The following CD302 variants were observed in gnomAD, a reference collection of about 807,000 sequenced individuals.
CD302 encodes CD302 molecule.
A neutral mutation model predicts 26.5 loss-of-function variants in CD302; 23 were observed. The ratio of observed to expected loss-of-function variants is 0.87; its 90% CI spans 0.62 to 1.23. CD302 has a LOEUF of 1.23. CD302 is among the 50% of genes most tolerant of loss of function. CD302 has a pLI of 0.00. For missense variants in CD302, 290 were observed against 275.5 expected, an observed-to-expected ratio of 1.05 and a Z score of -0.37; for synonymous variants, 90 against 99.4, an observed-to-expected ratio of 0.91 and a Z score of 0.56.
chr2:159,777,660 GTAT>G (rs575529959), intron 5 of CD302, among the ~76,000 whole-genome samples: 38 of 152,208 alleles, frequency 2.5e-4, no homozygotes, highest in Non-Finnish European at 5.1e-4. Context: ...TATTTATAAA[GTAT>G]TATGACACTT....
intron 1 of CD302, among the ~76,000 whole-genome samples, chr2:159,797,675 G>A (rs959243198): frequency 1.3e-5 from 2 of 152,088 alleles, no homozygotes; most frequent in East Asian, 1.9e-4. Flanking sequence ...GCAAAAGAGG[G>A]CCTACTTCCT....
chr2:159,771,964 GT>G lies in CD302; in HGVS notation c.585del (p.Lys195AsnfsTer26), dbSNP rs769756355. ...ACTGTGGTGAAACGAGAATCAGAAT[GT>G]TTTTTGTACAGGAACCAAATGATTG... is the stretch of plus-strand genomic sequence containing the variant. The part of the protein sequence containing the change: ...LGAIIWFLYK[K>X]HSDSRFTTVF... On this transcript the variant is annotated frameshift_variant, in exon 6 of 6. Coordinates refer to ENST00000259053, the MANE Select transcript of CD302 (RefSeq NM_014880.5). LOFTEE classifies it high-confidence loss of function. The G allele has an allele frequency of 1.2e-6, 2 of 1,613,980 alleles. No individual in the cohort carries two copies. Among genetic ancestry groups the G allele is most frequent in the East Asian group, 2.2e-5 (1 of 44,860 alleles).
intron 1 of CD302, among the ~76,000 whole-genome samples, chr2:159,786,784 TC>T (rs1708678391): frequency 6.6e-6 from 1 of 152,234 alleles, no homozygotes; most frequent in African/African-American, 2.4e-5. Flanking sequence ...TGAATTTTTT[TC>T]TTTTTTCTTT....
intron 1 of CD302, among the ~76,000 whole-genome samples, chr2:159,787,194 C>T (rs1708689891): frequency 1.3e-5 from 2 of 152,258 alleles, no homozygotes; most frequent in South Asian, 4.1e-4. Flanking sequence ...ATGTGCCCAG[C>T]TTTCACAGAT....
chr2:159,796,105 C>T (rs560137009), intron 1 of CD302, among the ~76,000 whole-genome samples: 20 of 152,310 alleles, frequency 1.3e-4, no homozygotes, highest in African/African-American at 4.6e-4. Context: ...GAATGACAGA[C>T]AATAACAATG....
At chr2:159,787,202 G>A (rs762212480) in intron 1 of CD302, among the ~76,000 whole-genome samples, 20 of 152,108 alleles carry the variant, frequency 1.3e-4, no homozygotes, top group Non-Finnish European at 2.1e-4. Flanking sequence ...AGCTTTCACA[G>A]ATACTGCCAA....
intron 1 of CD302, among the ~76,000 whole-genome samples, chr2:159,784,972 C>CTT (rs35915930): frequency 0.13 from 15,009 of 111,790 alleles, 1,612 homozygotes; most frequent in Non-Finnish European, 0.21. Flanking sequence ...TCCGTACAGA[C>CTT]TTTTTTTTTT....
chr2:159,782,612 C>G (rs539839597), intron 2 of CD302, among the ~76,000 whole-genome samples: 2 of 151,116 alleles, frequency 1.3e-5, no homozygotes, highest in East Asian at 3.9e-4. Context: ...GTAGTCCTGT[C>G]TATTCAGGGG....
chr2:159,774,615 G>C (rs983568756), intron 5 of CD302, among the ~76,000 whole-genome samples: 4 of 152,136 alleles, frequency 2.6e-5, no homozygotes, highest in African/African-American at 9.7e-5. Context: ...GTCCTGATTT[G>C]TCACCTCAGA....
intron 5 of CD302, among the ~76,000 whole-genome samples, chr2:159,773,625 C>T (rs34958762): frequency 0.048 from 7,343 of 152,252 alleles, 276 homozygotes; most frequent in Middle Eastern, 0.12. Context: ...TGCAAGTGAC[C>T]TTTAGCCAAA....
At chr2:159,775,271 T>C (rs540968506) in intron 5 of CD302, among the ~76,000 whole-genome samples, 32 of 152,350 alleles carry the variant, frequency 2.1e-4, no homozygotes, top group African/African-American at 6.7e-4. Flanking sequence ...TACATACACA[T>C]ATTTAATACA....
At chr2:159,780,237 A>C in intron 3 of CD302, 59 bp from the exon 4 acceptor site, 2 of 1,576,488 alleles carry the variant, frequency 1.3e-6, no homozygotes, top group Non-Finnish European at 1.7e-6. Context: ...TCAAGCCAAA[A>C]AGGGTGTAGG....
chr2:159,784,346 CTTTTTTTTT>C (rs151184238), intron 1 of CD302, among the ~76,000 whole-genome samples: 2 of 53,066 alleles, frequency 3.8e-5, no homozygotes, highest in Non-Finnish European at 6.5e-5. Flanking sequence ...TTAAGTTCTG[CTTTTTTTTT>C]TTTTTTTTTT....
intron 2 of CD302, among the ~76,000 whole-genome samples, chr2:159,782,688 G>T (rs1360980829): frequency 6.7e-6 from 1 of 149,480 alleles, no homozygotes; most frequent in Non-Finnish European, 1.5e-5. Flanking sequence ...TCATGCCACT[G>T]CACTCAAGCC....
At position 159,769,407 on chromosome 2, in the gene CD302, C is replaced by G. The variant is rs1290109394; in HGVS notation, c.*2444G>C. 6.6e-6 allele frequency: 1 copy of G among 152,142 alleles called. No individual in the cohort carries two copies. The highest frequency in any genetic ancestry group is 6.6e-5 in the Admixed American group (1 of 15,266). The allele number at this position is 152,142 out of a possible 1,614,324, so 9.4% of individuals were successfully genotyped here. A position where few individuals can be genotyped will look rare whatever the true frequency, so the allele number is the denominator to read the frequency against. ...CATGTAATCCCAGCACTTTGGGAGA[C>G]CAAGGTGGGTGGATCACTTGAGGTC... On this transcript the variant is annotated 3_prime_UTR_variant, in exon 6 of 6. Transcript: ENST00000259053.
chr2:159,783,316 A>G, intron 2 of CD302, 43 bp downstream of exon 2: 2 of 1,480,752 alleles, frequency 1.4e-6, no homozygotes, highest in Admixed American at 2.4e-5. Context: ...AACACTGTTC[A>G]CTAATTTGTG....
intron 1 of CD302, 26 bp downstream of exon 1, chr2:159,798,106 C>T (rs1159500660): frequency 2.0e-6 from 3 of 1,494,422 alleles, no homozygotes; most frequent in African/African-American, 1.5e-5. Flanking sequence ...CGCACGGTCC[C>T]GGCGAGGGAC....
intron 5 of CD302, among the ~76,000 whole-genome samples, chr2:159,772,663 C>G (rs1385206570): frequency 1.3e-5 from 2 of 151,968 alleles, no homozygotes; most frequent in Non-Finnish European, 2.9e-5. Flanking sequence ...TTTAGGAGAA[C>G]AAACATACTT....
In CD302 at chr2:159,798,022, G is replaced by T. The variant is rs1354412751; in HGVS notation, c.67+110C>A. 6 of 1,041,610 alleles carry T rather than the reference G, an allele frequency of 5.8e-6. No homozygotes were observed. In the African/African-American group the frequency reaches 8.4e-5, roughly 15 times the overall value. The allele number at this position is 1,041,610 out of a possible 1,614,324, so 64.5% of individuals were successfully genotyped here. On this transcript the variant is annotated intron_variant, in intron 1 of 5. Coordinates refer to ENST00000259053, the MANE Select transcript of CD302 (RefSeq NM_014880.5). Reference sequence around the variant, plus strand: ...AGGGAAGGGCGGGATGGCCGGCCGGGTGTTGCGTCTGCGGGCCGCCCTCGG... The same window carrying T: ...AGGGAAGGGCGGGATGGCCGGCCGGTTGTTGCGTCTGCGGGCCGCCCTCGG...
Sources: gnomAD v4.1 joint callset for allele counts (sites outside exome capture counted in the v4.1 genomes callset) on GRCh38, gnomAD v4.1.1 for gene constraint, MANE v1.5 for transcripts, NCBI Gene and HGNC (gene_info 2026-07-23, HGNC 2026-07-21) for gene names.